Variants in OPRM1 observed in about 807,000 individuals in gnomAD.
OPRM1 encodes the protein opioid receptor mu 1.
A neutral mutation model predicts 31.8 loss-of-function variants in OPRM1; 27 were observed. The observed-to-expected ratio is 0.85, with a 90% confidence interval of 0.63 to 1.17. The LOEUF (loss-of-function observed/expected upper bound fraction) is 1.17. Ranked by LOEUF, OPRM1 falls within the 50% of genes most tolerant of loss-of-function variation. OPRM1 has a pLI of 0.00. For missense variants in OPRM1, 536 were observed against 511.1 expected (o/e 1.05, Z -0.47); for synonymous variants, 196 against 189.9 (o/e 1.03, Z -0.26).
At chr6:154,031,477 G>T (rs1469792255) in intron 1 of OPRM1, among the ~76,000 whole-genome samples, 1 of 152,136 alleles carries the variant, frequency 6.6e-6, no homozygotes, top group Admixed American at 6.5e-5. Flanking sequence ...GCTCACGCCT[G>T]TAATCCTAGC....
At chr6:154,100,148 C>CATATCATAATATATATT (rs1794526271) in intron 3 of OPRM1, among the ~76,000 whole-genome samples, 1 of 85,448 alleles carries the variant, frequency 1.2e-5, no homozygotes, top group African/African-American at 5.8e-5. Flanking sequence ...TATATATTAT[C>CATATCATAATATATATT]ATATTATGAC....
chr6:154,089,490 G>T (rs1459415616), intron 1 of OPRM1, among the ~76,000 whole-genome samples: 2 of 151,456 alleles, frequency 1.3e-5, no homozygotes, highest in African/African-American at 4.9e-5. Flanking sequence ...CAGGAGGTGA[G>T]GCAAGAGGAT....
At position 154,219,985 on chromosome 6, in the gene OPRM1, AGTGTGTGTGTGT is replaced by A. The variant is rs57450665; in HGVS notation, c.1165-26675_1165-26664del. Among the ~76,000 whole-genome samples, 328 of 140,132 alleles carry A rather than the reference AGTGTGTGTGTGT, an allele frequency of 2.3e-3. 1 individual carries two copies. Among genetic ancestry groups the A allele is most frequent in the African/African-American group, 6.9e-3 (261 of 37,986 alleles). 91.9% of individuals were successfully genotyped at this position (140,132 alleles called of 152,430 possible). ...CAGAGCTGAGCGGATACCTGTAAGG[AGTGTGTGTGTGT>A]GTGTGTGTGTGTGTGTGTGTGTGTG... On this transcript the variant is annotated intron_variant, in intron 3 of 3. Coordinates refer to the OPRM1 transcript ENST00000337049.
intron 1 of OPRM1, among the ~76,000 whole-genome samples, chr6:154,019,335 C>T (rs1040601923): frequency 6.6e-6 from 1 of 151,838 alleles, no homozygotes; most frequent in Non-Finnish European, 1.5e-5. Context: ...CACACACAGC[C>T]TCCCCACAAT....
intron 1 of OPRM1, among the ~76,000 whole-genome samples, chr6:154,033,505 T>C (rs1205719267): frequency 6.6e-6 from 1 of 152,166 alleles, no homozygotes. Flanking sequence ...GCTTTCTCTG[T>C]GACCCTTGGA....
At chr6:154,055,423 AAGCT>A (rs1254923622) in intron 1 of OPRM1, among the ~76,000 whole-genome samples, 1 of 152,084 alleles carries the variant, frequency 6.6e-6, no homozygotes, top group South Asian at 2.1e-4. Flanking sequence ...AAAAAAATAA[AAGCT>A]AGAGAGTTTT....
At chr6:154,167,906 T>C in intron 3 of OPRM1, 1 of 1,562,722 alleles carries the variant, frequency 6.4e-7, no homozygotes, top group South Asian at 1.2e-5. Context: ...ATCCACAATT[T>C]GAAATTTTGT....
At chr6:154,240,732 G>T (rs1780511732) in intron 3 of OPRM1, among the ~76,000 whole-genome samples, 1 of 152,190 alleles carries the variant, frequency 6.6e-6, no homozygotes, top group African/African-American at 2.4e-5. Context: ...CACATGAAGT[G>T]TGCATGCAGC....
At chr6:154,173,004 G>A (rs148770767) in intron 3 of OPRM1, among the ~76,000 whole-genome samples, 5 of 152,200 alleles carry the variant, frequency 3.3e-5, no homozygotes, top group Non-Finnish European at 5.9e-5. Context: ...TGCAGCCTCC[G>A]CTGGTGATAC....
intron 3 of OPRM1, among the ~76,000 whole-genome samples, chr6:154,152,349 AAAG>A (rs1156461047): frequency 3.9e-5 from 5 of 127,494 alleles, no homozygotes; most frequent in East Asian, 2.3e-4. Flanking sequence ...GAAAGAAAGG[AAAG>A]AAAGAAAGAA....
At chr6:154,055,406 C>CA (rs765217215) in intron 1 of OPRM1, among the ~76,000 whole-genome samples, 1,689 of 135,386 alleles carry the variant, frequency 0.012, 14 homozygotes, top group South Asian at 0.027. Context: ...AATGAATAAA[C>CA]AAAAAAAAAA....
intron 1 of OPRM1, among the ~76,000 whole-genome samples, chr6:154,052,886 C>A (rs939226085): frequency 6.6e-6 from 1 of 152,146 alleles, no homozygotes; most frequent in Non-Finnish European, 1.5e-5. Context: ...TTTTCAACAT[C>A]AGAAAATAGC....
chr6:154,099,644 TATATATACACACATGTATATAC>T (rs1195619102), intron 3 of OPRM1, among the ~76,000 whole-genome samples: 15 of 147,438 alleles, frequency 1.0e-4, no homozygotes, highest in Admixed American at 1.3e-4. Flanking sequence ...TATACACACA[TATATATACACACATGTATATAC>T]ATATATACAC....
At chr6:154,192,711 A>G (rs1054478384) in intron 3 of OPRM1, among the ~76,000 whole-genome samples, 1 of 152,202 alleles carries the variant, frequency 6.6e-6, no homozygotes, top group Non-Finnish European at 1.5e-5. Flanking sequence ...TAAGGACATG[A>G]ATAGACAGTT....
At chr6:154,142,765 T>C (rs1562506127) in intron 3 of OPRM1, among the ~76,000 whole-genome samples, 1 of 152,226 alleles carries the variant, frequency 6.6e-6, no homozygotes. Flanking sequence ...GAATTCTTTC[T>C]ACTGAGAAGG....
At chr6:154,096,804 C>A (rs763559481) in intron 3 of OPRM1, among the ~76,000 whole-genome samples, 1 of 152,302 alleles carries the variant, frequency 6.6e-6, no homozygotes, top group East Asian at 1.9e-4. Flanking sequence ...ACTTTGCACT[C>A]AATTATTATC....
intron 3 of OPRM1, among the ~76,000 whole-genome samples, chr6:154,163,294 TC>T (rs1799170296): frequency 6.6e-6 from 1 of 152,154 alleles, no homozygotes; most frequent in South Asian, 2.1e-4. Flanking sequence ...CTAGGCACAC[TC>T]CCGCCCCAAG....
At chr6:154,226,665 A>G (rs1458505060) in intron 3 of OPRM1, among the ~76,000 whole-genome samples, 4 of 152,034 alleles carry the variant, frequency 2.6e-5, no homozygotes, top group Non-Finnish European at 5.9e-5. Flanking sequence ...TGTTTCATCA[A>G]ATTTAGTGTC....
intron 3 of OPRM1, among the ~76,000 whole-genome samples, chr6:154,246,055 A>G (rs1284273562): frequency 1.3e-5 from 2 of 152,216 alleles, no homozygotes; most frequent in African/African-American, 2.4e-5. Flanking sequence ...ACAGTCGCCA[A>G]TGCAAAGCTG....
Sources: gnomAD v4.1 joint callset for allele counts (sites outside exome capture counted in the v4.1 genomes callset) on GRCh38, gnomAD v4.1.1 for gene constraint, MANE v1.5 for transcripts, NCBI Gene and HGNC (gene_info 2026-07-23, HGNC 2026-07-21) for gene names.